Variants in CDH2 observed in about 807,000 individuals in gnomAD.
CDH2 encodes cadherin 2.
A neutral mutation model predicts 92.0 loss-of-function variants in CDH2; 17 were observed. That is an observed-to-expected ratio of 0.18 (90% CI 0.13 to 0.28). The LOEUF (loss-of-function observed/expected upper bound fraction) is 0.28. Among genes scored for constraint, CDH2 ranks in the 10% least tolerant of loss-of-function variants. CDH2 has a pLI of 1.00. For synonymous variants in CDH2, 419 were observed against 415.9 expected (o/e 1.01, Z -0.09); for missense variants, 862 against 1,133.1 (o/e 0.76, Z 3.44).
chr18:28,052,604 A>C (rs2014214776), intron 2 of CDH2, among the ~76,000 whole-genome samples: 1 of 152,214 alleles, frequency 6.6e-6, no homozygotes, highest in African/African-American at 2.4e-5. Context: ...TACGTGCATC[A>C]CAAGTATCAA....
intron 14 of CDH2, among the ~76,000 whole-genome samples, chr18:27,978,806 C>G (rs2011939854): frequency 6.6e-6 from 1 of 151,894 alleles, no homozygotes; most frequent in African/African-American, 2.4e-5. Flanking sequence ...GTATGAGCTA[C>G]CATGCCTGGT....
intron 7 of CDH2, among the ~76,000 whole-genome samples, chr18:28,002,534 A>C (rs937215666): frequency 1.3e-5 from 2 of 152,226 alleles, no homozygotes; most frequent in Non-Finnish European, 2.9e-5. Context: ...TCTAATAAAG[A>C]AGATAATCTA....
rs2015307572 is a variant in CDH2 at position 28,105,582 on chromosome 18, A to ATTATTATTT, written c.172+42082_172+42090dup. Among the ~76,000 whole-genome samples, 3 of 152,192 alleles carry ATTATTATTT rather than the reference A, an allele frequency of 2.0e-5. No homozygotes were observed. In the East Asian group the frequency reaches 5.8e-4, roughly 29 times the overall value. On this transcript the variant is annotated intron_variant, in intron 2 of 15. Coordinates refer to ENST00000269141, the MANE Select transcript of CDH2 (RefSeq NM_001792.5). ...TCAATTATACATAAATTAAAAAATT[A>ATTATTATTT]TTATTATTTTTTCTCCAAACCTAGA...
intron 2 of CDH2, among the ~76,000 whole-genome samples, chr18:28,115,717 T>A (rs1339248836): frequency 6.6e-6 from 1 of 152,146 alleles, no homozygotes; most frequent in Non-Finnish European, 1.5e-5. Context: ...AATGATGACT[T>A]CCATTTATAC....
At chr18:28,112,877 C>T (rs2015434935) in intron 2 of CDH2, among the ~76,000 whole-genome samples, 1 of 152,084 alleles carries the variant, frequency 6.6e-6, no homozygotes, top group Admixed American at 6.6e-5. Context: ...AATTCTCTTA[C>T]TGAAGAAAAG....
intron 2 of CDH2, among the ~76,000 whole-genome samples, chr18:28,131,683 G>GTT (rs374374605): frequency 4.3e-4 from 65 of 150,288 alleles, no homozygotes; most frequent in South Asian, 1.1e-3. Flanking sequence ...AAGCATTTGT[G>GTT]GTGTGTGTGT....
intron 2 of CDH2, among the ~76,000 whole-genome samples, chr18:28,099,622 C>T (rs1567998153): frequency 6.6e-6 from 1 of 151,526 alleles, no homozygotes. Context: ...CCAACCAAAC[C>T]CAAAAGGAGT....
chr18:28,031,898 A>G (rs2013705683), intron 2 of CDH2, among the ~76,000 whole-genome samples: 1 of 152,110 alleles, frequency 6.6e-6, no homozygotes, highest in Admixed American at 6.6e-5. Context: ...AAATCAGATA[A>G]TGAATAAAAG....
rs892499955 is a variant in CDH2, at chr18:28,085,934, C to T, written c.172+61739G>A. On this transcript the variant is annotated intron_variant, in intron 2 of 15. Transcript: ENST00000269141. ...AACGCCACAGGACACAGGTTATTAA[C>T]TACCACTGTACCCATCTTCTCTAAA... 2.6e-5 allele frequency among the ~76,000 whole-genome samples: 4 copies of T among 152,126 alleles called. 1 individual carries two copies. The South Asian group carries it at 8.3e-4, about 32-fold the overall frequency.
intron 2 of CDH2, among the ~76,000 whole-genome samples, chr18:28,124,746 ACT>A (rs2015649001): frequency 6.6e-6 from 1 of 152,144 alleles, no homozygotes; most frequent in African/African-American, 2.4e-5. Context: ...GAGGGAGAAA[ACT>A]CTAGCCCAGG....
chr18:28,124,452 T>C (rs11564384), intron 2 of CDH2, among the ~76,000 whole-genome samples: 7,824 of 152,190 alleles, frequency 0.051, 706 homozygotes, highest in African/African-American at 0.18. Flanking sequence ...GTTTCCCAAT[T>C]TCTGTTAGCA....
At chr18:28,005,005 C>T (rs1461529438) in intron 6 of CDH2, among the ~76,000 whole-genome samples, 3 of 152,106 alleles carry the variant, frequency 2.0e-5, no homozygotes, top group African/African-American at 7.2e-5. Context: ...ATTTTAAATG[C>T]TGAGGCTTTT....
chr18:28,100,572 C>T (rs1297006208), intron 2 of CDH2, among the ~76,000 whole-genome samples: 3 of 139,386 alleles, frequency 2.2e-5, no homozygotes, highest in African/African-American at 1.0e-4. Context: ...AGAACCTTGG[C>T]TAGTATACCA....
At position 28,059,216 on chromosome 18, in the gene CDH2, T is replaced by A. The variant is rs540752066; in HGVS notation, c.173-45307A>T. Among the ~76,000 whole-genome samples the A allele has an allele frequency of 2.6e-5, 4 of 152,336 alleles. No homozygotes were observed. In the East Asian group the frequency reaches 5.8e-4, roughly 22 times the overall value. ...AACCCAAGGAAATGCATGAACATGA[T>A]GACACTGTAACTTATGAATAACAGG... On this transcript the variant is annotated intron_variant, in intron 2 of 15. Coordinates refer to ENST00000269141, the MANE Select transcript of CDH2 (RefSeq NM_001792.5).
chr18:28,143,683 C>A (rs1020349268), intron 2 of CDH2, among the ~76,000 whole-genome samples: 7 of 1,272 alleles, frequency 5.5e-3, no homozygotes, highest in African/African-American at 6.9e-3. Context: ...CTGTGTTATA[C>A]CATAAGTTTT....
At chr18:28,069,987 C>T (rs1052382162) in intron 2 of CDH2, among the ~76,000 whole-genome samples, 1 of 152,106 alleles carries the variant, frequency 6.6e-6, no homozygotes, top group African/African-American at 2.4e-5. Flanking sequence ...GTGTATCGAC[C>T]TCCATAAGAA....
chr18:28,086,126 A>C (rs975706290), intron 2 of CDH2, among the ~76,000 whole-genome samples: 2 of 152,188 alleles, frequency 1.3e-5, no homozygotes, highest in Admixed American at 6.6e-5. Context: ...GCAACAGTAC[A>C]GCTAAATTCA....
At chr18:28,020,270 A>G (rs2013372225) in intron 2 of CDH2, among the ~76,000 whole-genome samples, 1 of 152,128 alleles carries the variant, frequency 6.6e-6, no homozygotes, top group Non-Finnish European at 1.5e-5. Flanking sequence ...CTGTTAAGTT[A>G]CAGAATCTTA....
At chr18:28,069,045 G>C (rs1367427889) in intron 2 of CDH2, among the ~76,000 whole-genome samples, 1 of 152,022 alleles carries the variant, frequency 6.6e-6, no homozygotes, top group Non-Finnish European at 1.5e-5. Context: ...AACATAACAA[G>C]GAATGAAAGG....
Sources: allele counts gnomAD v4.1 joint callset (sites outside exome capture counted in the v4.1 genomes callset), GRCh38; gene constraint gnomAD v4.1.1; transcripts MANE v1.5; gene names NCBI Gene and HGNC (gene_info 2026-07-23, HGNC 2026-07-21).